ARMH3: variants seen among roughly 807,000 people sequenced by gnomAD.
ARMH3 encodes armadillo-like helical domain-containing protein 3.
ARMH3 carries 60 observed loss-of-function variants against 99.1 expected under a neutral mutation model. The ratio of observed to expected loss-of-function variants is 0.61; its 90% confidence interval spans 0.49 to 0.75. The LOEUF is 0.75. Among genes scored for constraint, ARMH3 ranks in the 30% least tolerant of loss-of-function variants. The probability of loss-of-function intolerance (pLI) is 0.00; values close to 1 mark genes in which losing one functional copy is unlikely to be tolerated. For missense variants in ARMH3, 679 were observed against 843.1 expected (o/e 0.81, Z 2.41); for synonymous variants, 285 against 292.8 (o/e 0.97, Z 0.27).
chr10:101,924,388 G>T (rs1229825580), intron 23 of ARMH3, among the ~76,000 whole-genome samples: 1 of 148,668 alleles, frequency 6.7e-6, no homozygotes, highest in African/African-American at 2.5e-5. Context: ...TTGAGACAGA[G>T]TCTTGCTCTG....
intron 23 of ARMH3, among the ~76,000 whole-genome samples, chr10:101,896,940 T>C (rs925766230): frequency 1.3e-4 from 20 of 152,182 alleles, no homozygotes; most frequent in African/African-American, 4.8e-4. Context: ...ATATGTATGA[T>C]ATACTTAAGT....
chr10:101,940,216 G>C (rs1234950474), intron 22 of ARMH3, among the ~76,000 whole-genome samples: 1 of 152,078 alleles, frequency 6.6e-6, no homozygotes, highest in Non-Finnish European at 1.5e-5. Context: ...TGCTAACCGG[G>C]TTCCATAACT....
At chr10:102,013,379 CA>C (rs1190061302) in intron 9 of ARMH3, among the ~76,000 whole-genome samples, 2 of 152,054 alleles carry the variant, frequency 1.3e-5, no homozygotes, top group African/African-American at 2.4e-5. Context: ...ATGCATAACA[CA>C]AAGATCAATT....
chr10:101,950,357 T>C (rs371404885), intron 22 of ARMH3, among the ~76,000 whole-genome samples: 39 of 152,070 alleles, frequency 2.6e-4, no homozygotes, highest in African/African-American at 8.5e-4. Flanking sequence ...TACACCCACA[T>C]TGGAAAAGTG....
At chr10:101,855,680 G>C (rs1354761492) in intron 24 of ARMH3, among the ~76,000 whole-genome samples, 2 of 147,498 alleles carry the variant, frequency 1.4e-5, no homozygotes, top group East Asian at 4.0e-4. Flanking sequence ...CAAAGTGCTG[G>C]AATCACAGGT....
At chr10:102,044,160 C>T (rs1207502215) in intron 1 of ARMH3, among the ~76,000 whole-genome samples, 1 of 148,200 alleles carries the variant, frequency 6.7e-6, no homozygotes, top group Non-Finnish European at 1.5e-5. Flanking sequence ...GCAGCGCCAT[C>T]TCAGCTCACT....
intron 17 of ARMH3, among the ~76,000 whole-genome samples, chr10:101,993,152 T>C (rs1846881689): frequency 6.6e-6 from 1 of 151,320 alleles, no homozygotes; most frequent in South Asian, 2.1e-4. Context: ...CCACCTGTAA[T>C]CCCAGCTACT....
chr10:101,849,942 A>C, intron 24 of ARMH3, 50 bp from the exon 25 acceptor site: 1 of 1,528,154 alleles, frequency 6.5e-7, no homozygotes, highest in South Asian at 1.1e-5. Context: ...AAATCCCACA[A>C]CCCTGAGCCC....
chr10:102,032,883 G>A (rs2067164827), intron 4 of ARMH3, 143 bp downstream of exon 4: 13 of 852,036 alleles, frequency 1.5e-5, no homozygotes, highest in South Asian at 4.1e-5. Context: ...CTAAACAAAC[G>A]TGGCATAAAT....
intron 19 of ARMH3, among the ~76,000 whole-genome samples, chr10:101,981,675 C>G (rs990807445): frequency 6.6e-6 from 1 of 151,990 alleles, no homozygotes; most frequent in African/African-American, 2.4e-5. Flanking sequence ...CTTGCAGGAG[C>G]CTCTCAGACA....
intron 8 of ARMH3, among the ~76,000 whole-genome samples, chr10:102,017,861 T>C (rs189745700): frequency 9.2e-5 from 14 of 152,342 alleles, no homozygotes; most frequent in Admixed American, 2.0e-4. Flanking sequence ...TAAGTATTCC[T>C]TTCTCACGGC....
chr10:101,890,664 G>A (rs1431334414), intron 23 of ARMH3, among the ~76,000 whole-genome samples: 1 of 152,190 alleles, frequency 6.6e-6, no homozygotes, highest in Non-Finnish European at 1.5e-5. Flanking sequence ...CCAAAGACTA[G>A]AGTAGCAAAT....
At chr10:101,855,869 A>C (rs2066726955) in intron 24 of ARMH3, among the ~76,000 whole-genome samples, 1 of 151,682 alleles carries the variant, frequency 6.6e-6, no homozygotes, top group Non-Finnish European at 1.5e-5. Flanking sequence ...GGAAGAAATA[A>C]ATGCCCAGAA....
intron 24 of ARMH3, among the ~76,000 whole-genome samples, chr10:101,876,957 C>T (rs950251250): frequency 3.9e-5 from 6 of 151,960 alleles, no homozygotes; most frequent in Non-Finnish European, 8.8e-5. Flanking sequence ...CCTGTAATCC[C>T]GGCATTTGGA....
At chr10:101,966,081 A>AT (rs201923414) in intron 20 of ARMH3, among the ~76,000 whole-genome samples, 10 of 146,206 alleles carry the variant, frequency 6.8e-5, no homozygotes, top group Admixed American at 2.7e-4. Context: ...AGACAATCTA[A>AT]TTTTTTTTTC....
In ARMH3 at chr10:101,957,639, T is replaced by G; in HGVS notation, c.1578+11A>C. On this transcript the variant is annotated intron_variant, in intron 21 of 25. Coordinates refer to ENST00000370033, the MANE Select transcript of ARMH3 (RefSeq NM_024541.3). ...GGCTTCAGAAAAAGAAGTATTTGTT[T>G]TGATACTCACCATAAGGGCTAATGT... 1 of 1,602,138 alleles carries G rather than the reference T, an allele frequency of 6.2e-7. No homozygotes were observed. Among genetic ancestry groups the G allele is most frequent in the Non-Finnish European group, 8.5e-7 (1 of 1,175,608 alleles).
At chr10:101,934,062 C>T (rs551428300) in intron 23 of ARMH3, among the ~76,000 whole-genome samples, 3 of 152,156 alleles carry the variant, frequency 2.0e-5, no homozygotes, top group Non-Finnish European at 2.9e-5. Flanking sequence ...ACTTTGCTAT[C>T]GACAGTGATT....
At chr10:102,031,895 C>T (rs1315220239) in intron 4 of ARMH3, among the ~76,000 whole-genome samples, 1 of 152,162 alleles carries the variant, frequency 6.6e-6, no homozygotes, top group Non-Finnish European at 1.5e-5. Context: ...TGCGCCACCA[C>T]GCCCGGCTAA....
intron 22 of ARMH3, among the ~76,000 whole-genome samples, chr10:101,953,930 A>G (rs1844911672): frequency 6.6e-6 from 1 of 152,174 alleles, no homozygotes; most frequent in African/African-American, 2.4e-5. Flanking sequence ...AGTGGCTCAC[A>G]TCTGTAATCT....
Sources: allele counts gnomAD v4.1 joint callset (sites outside exome capture counted in the v4.1 genomes callset), GRCh38; gene constraint gnomAD v4.1.1; transcripts MANE v1.5; gene names NCBI Gene and HGNC (gene_info 2026-07-23, HGNC 2026-07-21).